FBXL2: variants seen among roughly 807,000 people sequenced by gnomAD.
FBXL2 encodes F-box/LRR-repeat protein 2.
Under a neutral mutation model 69.2 loss-of-function variants are expected in FBXL2, and 38 were observed. That is an observed-to-expected ratio of 0.55 (90% CI 0.42 to 0.72). The LOEUF (loss-of-function observed/expected upper bound fraction) is 0.72, where lower values mean the gene tolerates loss of function less well. Ranked by LOEUF, FBXL2 falls within the 30% of genes least tolerant of loss-of-function variation. The pLI, the probability that FBXL2 is intolerant of heterozygous loss-of-function variation, is 0.00. For missense variants in FBXL2, 354 were observed against 520.3 expected (o/e 0.68, Z 3.11); for synonymous variants, 192 against 201.3 (o/e 0.95, Z 0.39).
At chr3:33,410,534 G>T in the FBXL2 span, among the ~76,000 whole-genome samples, 1 of 152,006 alleles carries the variant, frequency 6.6e-6, no homozygotes, top group Non-Finnish European at 1.5e-5. Flanking sequence ...AAATACAAAT[G>T]ATTTTTTACA....
intron 13 of FBXL2, chr3:33,383,443 A>T (rs902736933): frequency 6.4e-6 from 1 of 156,950 alleles, no homozygotes; most frequent in African/African-American, 2.4e-5. Flanking sequence ...TTTACCCAAG[A>T]GAAGTCAGTA....
At chr3:33,397,563 G>T (rs182740698) in intron 12 of FBXL2, 1 of 152,880 alleles carries the variant, frequency 6.5e-6, no homozygotes, top group Non-Finnish European at 1.5e-5. Flanking sequence ...TCCAGAGTTT[G>T]TGGGACTTGC....
chr3:33,337,229 A>G (rs942360671), intron 2 of FBXL2, among the ~76,000 whole-genome samples: 15 of 152,104 alleles, frequency 9.9e-5, no homozygotes, highest in Admixed American at 9.2e-4. Context: ...AAACAAAAAA[A>G]CCTTAAGATA....
intron 2 of FBXL2, among the ~76,000 whole-genome samples, chr3:33,331,017 A>T (rs1168963791): frequency 6.6e-6 from 1 of 151,190 alleles, no homozygotes; most frequent in African/African-American, 2.4e-5. Flanking sequence ...GTACCTGAAA[A>T]TATGTACATC....
chr3:33,410,342 G>A, the FBXL2 span, among the ~76,000 whole-genome samples: 1 of 152,132 alleles, frequency 6.6e-6, no homozygotes, highest in African/African-American at 2.4e-5. Flanking sequence ...ACTGATCTCT[G>A]CAATATGACA....
chr3:33,403,926 C>A (rs1049522982), downstream of FBXL2, among the ~76,000 whole-genome samples: 1 of 152,154 alleles, frequency 6.6e-6, no homozygotes, highest in South Asian at 2.1e-4. Context: ...AGAAAGGCAT[C>A]ACATCTAACT....
chr3:33,396,850 T>C (rs964967971), intron 12 of FBXL2: 2 of 687,900 alleles, frequency 2.9e-6, no homozygotes, highest in Middle Eastern at 2.3e-4. Flanking sequence ...TCTGCCCTCA[T>C]CAGTGCCTGC....
chr3:33,415,486 G>C, the FBXL2 span, among the ~76,000 whole-genome samples: 1 of 152,240 alleles, frequency 6.6e-6, no homozygotes, highest in South Asian at 2.1e-4. Context: ...GTTGAAGTTG[G>C]CATGAGAACT....
chr3:33,302,553 T>G (rs2036384284), intron 2 of FBXL2, among the ~76,000 whole-genome samples: 1 of 152,148 alleles, frequency 6.6e-6, no homozygotes, highest in Non-Finnish European at 1.5e-5. Context: ...GTAAAACCCC[T>G]CATAGGAGAC....
downstream of FBXL2, chr3:33,390,529 C>A (rs551098192): frequency 2.7e-5 from 20 of 739,070 alleles, no homozygotes; most frequent in South Asian, 3.7e-4. Flanking sequence ...AGCTCCTCTT[C>A]CCCCAAAAAA....
chr3:33,385,966 G>C lies in FBXL2; in HGVS notation c.*358G>C, dbSNP rs2043404696. 2 of 205,442 alleles carry C rather than the reference G, an allele frequency of 9.7e-6. No individual in the cohort carries two copies. The highest frequency in any genetic ancestry group is 1.0e-4 in the Admixed American group (2 of 19,398). The allele number at this position is 205,442 out of a possible 1,614,324, so 12.7% of individuals were successfully genotyped here. A position where few individuals can be genotyped will look rare whatever the true frequency, so the allele number is the denominator to read the frequency against. ...AAGACCATCAGTGTTAGCACAAACT[G>C]AGCAGAAAAAATAAGCTGTTGATTT... On this transcript the variant is annotated 3_prime_UTR_variant, in exon 15 of 15. Coordinates refer to ENST00000484457, the MANE Select transcript of FBXL2 (RefSeq NM_012157.5).
chr3:33,396,935 G>T, intron 12 of FBXL2: 1 of 958,076 alleles, frequency 1.0e-6, no homozygotes, highest in Non-Finnish European at 1.7e-6. Context: ...ATGCTCGATG[G>T]CGCACACAGG....
At chr3:33,330,530 T>C (rs951948750) in intron 2 of FBXL2, among the ~76,000 whole-genome samples, 2 of 152,068 alleles carry the variant, frequency 1.3e-5, no homozygotes, top group African/African-American at 4.8e-5. Flanking sequence ...AAAATATAAA[T>C]ATTTAAGGAG....
At chr3:33,396,306 A>AG (rs1443850245) in intron 12 of FBXL2, 3 of 1,531,608 alleles carry the variant, frequency 2.0e-6, no homozygotes, top group African/African-American at 2.7e-5. Context: ...GCCACTGATG[A>AG]GCCTGGGAGA....
downstream of FBXL2, chr3:33,388,698 A>G (rs2043618374): frequency 6.6e-6 from 1 of 152,250 alleles, no homozygotes; most frequent in Admixed American, 6.5e-5. Flanking sequence ...ACACGAAAGC[A>G]AAGGGAAAAA....
At chr3:33,322,409 C>T (rs113884728) in intron 2 of FBXL2, among the ~76,000 whole-genome samples, 2,180 of 151,994 alleles carry the variant, frequency 0.014, 22 homozygotes, top group South Asian at 0.037. Flanking sequence ...ATGTTTATAG[C>T]AGTGGTATTC....
intron 10 of FBXL2, among the ~76,000 whole-genome samples, chr3:33,376,843 G>A (rs2042672947): frequency 6.6e-6 from 1 of 151,806 alleles, no homozygotes; most frequent in African/African-American, 2.4e-5. Flanking sequence ...TCTACTAAAA[G>A]TACAAAAATT....
chr3:33,284,095 T>C (rs113667475), intron 1 of FBXL2, among the ~76,000 whole-genome samples: 2,877 of 152,358 alleles, frequency 0.019, 85 homozygotes, highest in African/African-American at 0.066. Flanking sequence ...CGGCTAGCTT[T>C]TGAATGTGTT....
the FBXL2 span, among the ~76,000 whole-genome samples, chr3:33,420,986 G>T: frequency 6.6e-6 from 1 of 152,200 alleles, no homozygotes; most frequent in Non-Finnish European, 1.5e-5. Flanking sequence ...CTAACAAGGA[G>T]AAATTCTTTT....
Sources: allele counts gnomAD v4.1 joint callset (sites outside exome capture counted in the v4.1 genomes callset), GRCh38; gene constraint gnomAD v4.1.1; transcripts MANE v1.5; gene names NCBI Gene and HGNC (gene_info 2026-07-23, HGNC 2026-07-21).